Variants in TUBA3C observed in about 807,000 individuals in gnomAD.
The protein encoded by TUBA3C is tubulin alpha-3C chain.
In TUBA3C, 23 loss-of-function variants were observed where a neutral mutation model predicts 33.4. The observed-to-expected ratio is 0.69, with a 90% CI of 0.50 to 0.98. The LOEUF (loss-of-function observed/expected upper bound fraction) is 0.98. TUBA3C is among the 50% of genes least tolerant of loss of function. TUBA3C has a pLI of 0.00. For synonymous variants in TUBA3C, 269 were observed against 250.4 expected (o/e 1.07, Z -0.70); for missense variants, 402 against 616.0 (o/e 0.65, Z 3.68).
At position 19,177,863 on chromosome 13, in the gene TUBA3C, T is replaced by TTTTTTTTTC. The variant is rs1869257719; in HGVS notation, c.376-257_376-256insGAAAAAAAA. ...TCTAAGTTGTTTTTTTTTTTTTTTT[T>TTTTTTTTTC]TTAGATAGAATCTCACTCTGTTGCC... On this transcript the variant is annotated intron_variant, in intron 3 of 4. Coordinates refer to ENST00000400113, the MANE Select transcript of TUBA3C (RefSeq NM_006001.3). This position sits in a 1 kb window ranked among gnomAD's most constrained non-coding sequence, Gnocchi z 5.0. 6.6e-6 allele frequency among the ~76,000 whole-genome samples: 1 copy of TTTTTTTTTC among 151,650 alleles called. No homozygotes were observed. Among genetic ancestry groups the TTTTTTTTTC allele is most frequent in the South Asian group, 2.1e-4 (1 of 4,778 alleles).
rs144718648 is a variant in TUBA3C at position 19,178,508 on chromosome 13, A to G, written c.227-114T>C. ...ACATGCTGTTCAAAGTACATGACCT[A>G]CATGTTGTAGGTCAACAGTGGCAGT... On this transcript the variant is annotated intron_variant, in intron 2 of 4. Transcript: ENST00000400113. 924 of 1,423,446 alleles carry G rather than the reference A, an allele frequency of 6.5e-4. 8 individuals are homozygous for G. In the East Asian group the frequency reaches 0.019, roughly 30 times the overall value. The allele number at this position is 1,423,446 out of a possible 1,614,324, so 88.2% of individuals were successfully genotyped here.
At chr13:19,180,401 G>C (rs1463592708) in intron 1 of TUBA3C, among the ~76,000 whole-genome samples, 1 of 152,006 alleles carries the variant, frequency 6.6e-6, no homozygotes, top group Non-Finnish European at 1.5e-5. Context: ...TTTAAGCCCT[G>C]ACAAGCCGGA....
At chr13:19,174,502 T>A (rs1869114869) in intron 4 of TUBA3C, among the ~76,000 whole-genome samples, 1 of 152,072 alleles carries the variant, frequency 6.6e-6, no homozygotes, top group South Asian at 2.1e-4. Context: ...GGTGGTAGAA[T>A]TCATGTGGAA....
At chr13:19,179,636 A>C (rs9511926) in intron 1 of TUBA3C, 73 bp from the exon 2 acceptor site, 84,940 of 1,488,294 alleles carry the variant, frequency 0.057, 2,773 homozygotes, top group Middle Eastern at 0.074. Context: ...GCAAAATATT[A>C]TAATTTAATA....
Position 19,177,736 on chromosome 13 carries a change from T to C in TUBA3C, c.376-129A>G. The C allele has an allele frequency of 8.1e-7, 1 of 1,228,208 alleles. No homozygotes were observed. The highest frequency in any genetic ancestry group is 1.1e-6 in the Non-Finnish European group (1 of 898,420). The allele number at this position is 1,228,208 out of a possible 1,614,324, so 76.1% of individuals were successfully genotyped here. The stretch of plus-strand genomic sequence containing the variant: ...CCAATCATCCATAATAAACACGCAG[T>C]ACACTCTGAAGCAAAGAAAAGCAGA... On this transcript the variant is annotated intron_variant, in intron 3 of 4. Transcript: ENST00000400113. This position sits in a 1 kb window ranked among gnomAD's most constrained non-coding sequence, Gnocchi z 5.0.
At chr13:19,180,505 A>C (rs1869362314) in intron 1 of TUBA3C, among the ~76,000 whole-genome samples, 3 of 149,676 alleles carry the variant, frequency 2.0e-5, no homozygotes, top group Admixed American at 2.0e-4. Context: ...ACTATGAAAA[A>C]AAATTTTTTT....
At chr13:19,181,063 T>C (rs971471468) in intron 1 of TUBA3C, among the ~76,000 whole-genome samples, 1 of 151,826 alleles carries the variant, frequency 6.6e-6, no homozygotes, top group African/African-American at 2.4e-5. Context: ...TTGCTTTTTT[T>C]TTTTTTTGAG....
intron 4 of TUBA3C, among the ~76,000 whole-genome samples, chr13:19,174,647 G>C (rs1869120206): frequency 6.6e-6 from 1 of 151,600 alleles, no homozygotes; most frequent in Non-Finnish European, 1.5e-5. Context: ...TGTAGGGTTT[G>C]ATTTAAAAAA....
intron 4 of TUBA3C, among the ~76,000 whole-genome samples, chr13:19,176,296 G>C (rs1869177044): frequency 2.6e-5 from 4 of 151,826 alleles, no homozygotes; most frequent in African/African-American, 9.7e-5. Context: ...CATGTCTGTG[G>C]TCCCAGCTAC....
chr13:19,180,363 G>T (rs1455157103), intron 1 of TUBA3C, among the ~76,000 whole-genome samples: 1 of 106,052 alleles, frequency 9.4e-6, no homozygotes, highest in Non-Finnish European at 2.0e-5. Flanking sequence ...CATCAGTGCT[G>T]GGACACTGCA....
At position 19,179,531 on chromosome 13, in the gene TUBA3C, T is replaced by C. The variant is rs1869327546; in HGVS notation, c.36A>G (p.Ala12=). 1 of 1,614,224 alleles carries C rather than the reference T, an allele frequency of 6.2e-7. No homozygotes were observed. The highest frequency in any genetic ancestry group is 1.3e-5 in the African/African-American group (1 of 75,076). ...RECISIHVGQ[A]GVQIGNACWE... is the part of the protein sequence containing the mutation. ...AGCAGGCATTGCCGATCTGGACTCCTGCCTGCCCCACGTGGATAGAGATAC... is the reference window on the plus strand; with the variant it reads ...AGCAGGCATTGCCGATCTGGACTCCCGCCTGCCCCACGTGGATAGAGATAC... Residue 12 remains alanine, a synonymous_variant, in exon 2 of 5, where the codon GCA becomes GCG. Coordinates refer to ENST00000400113, the MANE Select transcript of TUBA3C (RefSeq NM_006001.3).
chr13:19,178,927 A>G (rs1869299000), intron 2 of TUBA3C, among the ~76,000 whole-genome samples: 1 of 152,148 alleles, frequency 6.6e-6, no homozygotes, highest in Admixed American at 6.5e-5. Context: ...CTGGGCTTCT[A>G]ATCTGGAGGA....
intron 4 of TUBA3C, among the ~76,000 whole-genome samples, chr13:19,175,818 A>G (rs1342150462): frequency 1.3e-5 from 2 of 151,946 alleles, no homozygotes; most frequent in East Asian, 3.9e-4. Context: ...ATATCTTCTC[A>G]CTGCAACCTC....
At chr13:19,180,674 T>C (rs1043049494) in intron 1 of TUBA3C, among the ~76,000 whole-genome samples, 3 of 151,964 alleles carry the variant, frequency 2.0e-5, no homozygotes, top group African/African-American at 7.2e-5. Context: ...TTTTTGTATT[T>C]TTAGTAGAGA....
rs568047740 is a variant in TUBA3C, at chr13:19,179,817, A to G, written c.4-254T>C. On this transcript the variant is annotated intron_variant, in intron 1 of 4. Transcript: ENST00000400113. ...TTTGCCACTACACAAAAATTAGATTATTTTAAAACTTGGAAGCCATGTAAT... is the reference window on the plus strand; with the variant it reads ...TTTGCCACTACACAAAAATTAGATTGTTTTAAAACTTGGAAGCCATGTAAT... Among the ~76,000 whole-genome samples the G allele has an allele frequency of 3.9e-5, 6 of 152,322 alleles. No individual in the cohort carries two copies. In the East Asian group the frequency reaches 1.2e-3, roughly 29 times the overall value.
Position 19,178,431 on chromosome 13 carries a change from G to A in TUBA3C, c.227-37C>T. On this transcript the variant is annotated intron_variant, in intron 2 of 4. Coordinates refer to ENST00000400113, the MANE Select transcript of TUBA3C (RefSeq NM_006001.3). ...ACCGTATGTACTGTGAATCTTTAAG[G>A]CCTATACTCACCAAGATGGACACAT... 3 of 1,609,608 alleles carry A rather than the reference G, an allele frequency of 1.9e-6. No individual in the cohort carries two copies. In the South Asian group the frequency reaches 3.3e-5, roughly 18 times the overall value.
At chr13:19,179,612 A>G in intron 1 of TUBA3C, 49 bp from the exon 2 acceptor site, 1 of 1,592,682 alleles carries the variant, frequency 6.3e-7, no homozygotes, top group Non-Finnish European at 8.6e-7. Flanking sequence ...AGGCAACTTG[A>G]AGCTATATGG....
chr13:19,177,018 T>C lies in TUBA3C; in HGVS notation c.965A>G (p.Asp322Gly). The change falls in exon 4 of 5, where the codon GAT becomes GGT. Residue 322 changes from aspartate (D) to glycine (G), a missense_variant. Coordinates refer to ENST00000400113, the MANE Select transcript of TUBA3C (RefSeq NM_006001.3). This position sits in a 1 kb window ranked among gnomAD's most constrained non-coding sequence, Gnocchi z 5.0. ...CGCGTTGACATCTTTCGGGACCACA[T>C]CCCCCCTGTACAACATGCAGCAGGC... Reference protein sequence around the residue: ...YMACCMLYRGDVVPKDVNAAI... With the variant: ...YMACCMLYRGGVVPKDVNAAI... 6.2e-7 allele frequency: 1 copy of C among 1,613,916 alleles called. No homozygotes were observed. The highest frequency in any genetic ancestry group is 8.5e-7 in the Non-Finnish European group (1 of 1,179,992).
intron 4 of TUBA3C, among the ~76,000 whole-genome samples, chr13:19,174,614 A>C (rs1043897088): frequency 3.9e-5 from 6 of 152,108 alleles, no homozygotes; most frequent in African/African-American, 1.4e-4. Flanking sequence ...CTGCTTCACA[A>C]CATCATTCGT....
Sources: allele counts gnomAD v4.1 joint callset (sites outside exome capture counted in the v4.1 genomes callset), GRCh38; gene constraint gnomAD v4.1.1; non-coding constraint Gnocchi (gnomAD v3.1); transcripts MANE v1.5; gene names NCBI Gene and HGNC (gene_info 2026-07-23, HGNC 2026-07-21).